The following ELMO1 variants were observed in gnomAD, a reference collection of about 807,000 sequenced individuals.
The protein encoded by ELMO1 is engulfment and cell motility 1, also known as engulfment and cell motility protein 1.
In ELMO1, 26 loss-of-function variants were observed where a neutral mutation model predicts 98.9. The ratio of observed to expected loss-of-function variants is 0.26; its 90% CI spans 0.19 to 0.36. The LOEUF is 0.36. ELMO1 is among the 10% of genes least tolerant of loss of function. ELMO1 has a pLI of 1.00. For missense variants in ELMO1, 627 were observed against 935.2 expected (o/e 0.67, Z 4.30); for synonymous variants, 346 against 346.0 (o/e 1.00, Z 0.00).
intron 16 of ELMO1, among the ~76,000 whole-genome samples, chr7:36,923,819 G>A (rs992441221): frequency 8.5e-5 from 13 of 152,164 alleles, no homozygotes; most frequent in South Asian, 8.3e-4. Flanking sequence ...GATAGGTCAC[G>A]AATGATAAGT....
At chr7:37,333,201 T>G (rs969031815) in intron 2 of ELMO1, among the ~76,000 whole-genome samples, 1 of 152,188 alleles carries the variant, frequency 6.6e-6, no homozygotes, top group Non-Finnish European at 1.5e-5. Context: ...GTACAAGCTG[T>G]TTGTTCCTGG....
In ELMO1 at chr7:37,399,848, G is replaced by A. The variant is rs1366439744; in HGVS notation, c.-74+48827C>T. On this transcript the variant is annotated intron_variant, in intron 1 of 21. Coordinates refer to ENST00000310758, the MANE Select transcript of ELMO1 (RefSeq NM_014800.11). ...TACTATAGCTCCCGCTCCACACACG[G>A]CATAAACCTCCTTCTCCCAGGATTG... 2.6e-5 allele frequency among the ~76,000 whole-genome samples: 4 copies of A among 152,242 alleles called. No homozygotes were observed. In the East Asian group the frequency reaches 5.8e-4, roughly 22 times the overall value.
intron 1 of ELMO1, among the ~76,000 whole-genome samples, chr7:37,446,583 A>C (rs1805628085): frequency 6.6e-6 from 1 of 152,192 alleles, no homozygotes; most frequent in Non-Finnish European, 1.5e-5. Flanking sequence ...GAAGAATGTA[A>C]GACGGTGAGG....
chr7:37,308,092 G>A (rs563910946), intron 4 of ELMO1, among the ~76,000 whole-genome samples: 7 of 152,158 alleles, frequency 4.6e-5, no homozygotes, highest in South Asian at 2.1e-4. Context: ...CAGCCTGCCC[G>A]ACAGAGCAAG....
At chr7:37,016,410 C>A (rs1412744960) in intron 15 of ELMO1, among the ~76,000 whole-genome samples, 3 of 152,102 alleles carry the variant, frequency 2.0e-5, no homozygotes, top group Non-Finnish European at 4.4e-5. Context: ...CCATCATGAG[C>A]TTTTTTTAGT....
intron 13 of ELMO1, among the ~76,000 whole-genome samples, chr7:37,161,085 G>A (rs1345366): frequency 0.71 from 107,415 of 152,074 alleles, 40,598 homozygotes; most frequent in Non-Finnish European, 0.83. Context: ...CTGTGAACAG[G>A]ACCCAGAACC....
At chr7:37,064,080 G>C (rs1796817780) in intron 15 of ELMO1, among the ~76,000 whole-genome samples, 1 of 152,126 alleles carries the variant, frequency 6.6e-6, no homozygotes, top group Admixed American at 6.5e-5. Flanking sequence ...ACATGGAGCA[G>C]CTGAAGTGTC....
At chr7:37,001,370 C>G (rs541484523) in intron 16 of ELMO1, among the ~76,000 whole-genome samples, 125 of 152,298 alleles carry the variant, frequency 8.2e-4, no homozygotes, top group African/African-American at 2.9e-3. Flanking sequence ...TTAAACATTT[C>G]TGGCCATTAA....
intron 14 of ELMO1, among the ~76,000 whole-genome samples, chr7:37,101,006 C>T (rs531050830): frequency 3.3e-5 from 5 of 152,334 alleles, no homozygotes; most frequent in African/African-American, 9.6e-5. Flanking sequence ...TCAGAGAGTT[C>T]GTGTTTTTAT....
intron 2 of ELMO1, among the ~76,000 whole-genome samples, chr7:37,338,795 G>A (rs1222863196): frequency 1.3e-5 from 2 of 152,230 alleles, no homozygotes; most frequent in Non-Finnish European, 2.9e-5. Context: ...GTGAAGGCGA[G>A]AGCAGGAGTC....
At position 36,999,672 on chromosome 7, in the gene ELMO1, C is replaced by T. The variant is rs908187079; in HGVS notation, c.1437+13627G>A. ...TTATGGGTAAATACAACTGATTCCA[C>T]GAATGTACAATAATTTTTGGTTGAG... On this transcript the variant is annotated intron_variant, in intron 16 of 21. Transcript: ENST00000310758. Among the ~76,000 whole-genome samples the T allele has an allele frequency of 2.6e-5, 4 of 152,272 alleles. 1 individual carries two copies. The South Asian group carries it at 6.2e-4, about 24-fold the overall frequency.
At chr7:37,381,156 A>G (rs1802563097) in intron 1 of ELMO1, among the ~76,000 whole-genome samples, 1 of 152,244 alleles carries the variant, frequency 6.6e-6, no homozygotes, top group Non-Finnish European at 1.5e-5. Flanking sequence ...AATAGATACT[A>G]GCAAGTAACT....
At chr7:37,057,691 G>GCACACACACACACGCACATGCC (rs1562972811) in intron 15 of ELMO1, among the ~76,000 whole-genome samples, 1 of 151,938 alleles carries the variant, frequency 6.6e-6, no homozygotes, top group African/African-American at 2.4e-5. Flanking sequence ...GTGTGCATGT[G>GCACACACACACACGCACATGCC]CACACACACA....
intron 2 of ELMO1, among the ~76,000 whole-genome samples, chr7:37,319,597 A>G (rs1799374586): frequency 6.6e-6 from 1 of 152,122 alleles, no homozygotes; most frequent in Non-Finnish European, 1.5e-5. Context: ...CTGCTTCCCT[A>G]GCGAATCAAC....
intron 13 of ELMO1, among the ~76,000 whole-genome samples, chr7:37,175,671 C>T (rs540705016): frequency 6.6e-6 from 1 of 152,266 alleles, no homozygotes; most frequent in African/African-American, 2.4e-5. Flanking sequence ...CATGGTGAAA[C>T]CTTGTCTCTA....
intron 13 of ELMO1, among the ~76,000 whole-genome samples, chr7:37,187,993 A>G (rs2130098840): frequency 6.6e-6 from 1 of 152,076 alleles, no homozygotes; most frequent in South Asian, 2.1e-4. Flanking sequence ...CATTTCTATT[A>G]CCTTGTGACA....
At chr7:37,142,205 A>T (rs1030688680) in intron 13 of ELMO1, among the ~76,000 whole-genome samples, 11 of 152,264 alleles carry the variant, frequency 7.2e-5, no homozygotes, top group Non-Finnish European at 4.4e-5. Context: ...GATTAAGTCT[A>T]AAAAGTAACT....
intron 14 of ELMO1, among the ~76,000 whole-genome samples, chr7:37,116,606 A>C (rs1032995749): frequency 6.6e-6 from 1 of 152,106 alleles, no homozygotes. Context: ...TTCACTATAC[A>C]GCTTAGCTTC....
intron 15 of ELMO1, among the ~76,000 whole-genome samples, chr7:37,028,690 G>A (rs910981460): frequency 1.3e-5 from 2 of 152,068 alleles, no homozygotes; most frequent in Non-Finnish European, 1.5e-5. Context: ...TCAAGCGACC[G>A]TCCCGCCTCA....
Sources: allele counts gnomAD v4.1 joint callset (sites outside exome capture counted in the v4.1 genomes callset), GRCh38; gene constraint gnomAD v4.1.1; transcripts MANE v1.5; gene names NCBI Gene and HGNC (gene_info 2026-07-23, HGNC 2026-07-21).